The following LRRC38 variants were observed in gnomAD, a reference collection of about 807,000 sequenced individuals.
LRRC38 encodes the protein leucine rich repeat containing 38, also known as leucine-rich repeat-containing protein 38.
A neutral mutation model predicts 16.4 loss-of-function variants in LRRC38; 5 were observed. That is an observed-to-expected ratio of 0.31 (90% CI 0.16 to 0.64). The LOEUF (loss-of-function observed/expected upper bound fraction) is 0.64, where lower values mean the gene tolerates loss of function less well. Ranked by LOEUF, LRRC38 falls within the 30% of genes least tolerant of loss-of-function variation. The pLI, the probability that LRRC38 is intolerant of heterozygous loss-of-function variation, is 0.80. For missense variants in LRRC38, 341 were observed against 401.8 expected (o/e 0.85, Z 1.29); for synonymous variants, 191 against 190.2 (o/e 1.00, Z -0.04).
rs546024101 is a variant in LRRC38, at chr1:13,503,808, G to T, written c.631+9155C>A. On this transcript the variant is annotated intron_variant, in intron 1 of 1. Coordinates refer to ENST00000376085, the MANE Select transcript of LRRC38 (RefSeq NM_001010847.2). ...CACGATCCTTGGCTGTTCGGTTTCT[G>T]TTGGCCTTTGAGAAGCTGCCCCTTC... Among the ~76,000 whole-genome samples the T allele has an allele frequency of 9.5e-4, 145 of 152,332 alleles. No homozygotes were observed. The Middle Eastern group carries it at 0.014, about 14-fold the overall frequency.
intron 1 of LRRC38, among the ~76,000 whole-genome samples, chr1:13,478,147 A>G (rs151096052): frequency 6.6e-6 from 1 of 152,334 alleles, no homozygotes; most frequent in East Asian, 1.9e-4. Flanking sequence ...TGATTTTACA[A>G]ACCTCAGTTA....
intron 1 of LRRC38, among the ~76,000 whole-genome samples, chr1:13,493,031 AT>A (rs1639035686): frequency 6.6e-6 from 1 of 152,214 alleles, no homozygotes; most frequent in Non-Finnish European, 1.5e-5. Context: ...TGCGACAGTC[AT>A]TCCAGGGATA....
In LRRC38 at chr1:13,497,686, A is replaced by G. The variant is rs575980513; in HGVS notation, c.631+15277T>C. 2.6e-5 allele frequency among the ~76,000 whole-genome samples: 4 copies of G among 152,220 alleles called. No individual in the cohort carries two copies. The South Asian group carries it at 8.3e-4, about 32-fold the overall frequency. On this transcript the variant is annotated intron_variant, in intron 1 of 1. Transcript: ENST00000376085. ...TTTCCGTTGATTACACGCTGAAATG[A>G]CATTTTGGGCCAAGCACGGTGGCTC...
chr1:13,494,584 C>A (rs998894206), intron 1 of LRRC38, among the ~76,000 whole-genome samples: 2 of 152,108 alleles, frequency 1.3e-5, no homozygotes, highest in South Asian at 4.1e-4. Context: ...TAAATAAAGG[C>A]ACTGAATTTA....
chr1:13,480,478 AT>A (rs1569908319), intron 1 of LRRC38, among the ~76,000 whole-genome samples: 1 of 152,148 alleles, frequency 6.6e-6, no homozygotes, highest in Non-Finnish European at 1.5e-5. Flanking sequence ...AGACTTTTAA[AT>A]TTTTTTGTAA....
intron 1 of LRRC38, among the ~76,000 whole-genome samples, chr1:13,480,294 G>A (rs768287681): frequency 1.3e-5 from 2 of 152,210 alleles, no homozygotes; most frequent in Non-Finnish European, 2.9e-5. Context: ...GCAGTGAGCC[G>A]AGACCACGCC....
intron 1 of LRRC38, among the ~76,000 whole-genome samples, chr1:13,500,606 T>C (rs1231708633): frequency 6.6e-6 from 1 of 152,236 alleles, no homozygotes; most frequent in Non-Finnish European, 1.5e-5. Context: ...CTAACATATA[T>C]TGACTGATGT....
chr1:13,493,692 G>A (rs186719280), intron 1 of LRRC38, among the ~76,000 whole-genome samples: 34 of 152,248 alleles, frequency 2.2e-4, no homozygotes, highest in Middle Eastern at 3.4e-3. Context: ...TCATGGGGAC[G>A]TGCCTGAGAG....
At position 13,513,772 on chromosome 1, in the gene LRRC38, G is replaced by A. The variant is rs370746799; in HGVS notation, c.-179C>T. Reference sequence around the variant, plus strand: ...TGGAGCGCGGCGCGGACGGACTGGGGAGCCGGGACAGCAGGGATGGAGAGG... The same window carrying A: ...TGGAGCGCGGCGCGGACGGACTGGGAAGCCGGGACAGCAGGGATGGAGAGG... On this transcript the variant is annotated 5_prime_UTR_variant, in exon 1 of 2. Coordinates refer to ENST00000376085, the MANE Select transcript of LRRC38 (RefSeq NM_001010847.2). 4.1e-3 allele frequency: 617 copies of A among 149,532 alleles called. 5 individuals carry two copies. Among genetic ancestry groups the A allele is most frequent in the African/African-American group, 0.015 (592 of 39,934 alleles). 9.3% of individuals were successfully genotyped at this position (149,532 alleles called of 1,614,324 possible).
At chr1:13,503,278 ATTTAT>A (rs1357746533) in intron 1 of LRRC38, among the ~76,000 whole-genome samples, 1 of 147,924 alleles carries the variant, frequency 6.8e-6, no homozygotes, top group African/African-American at 2.7e-5. Context: ...TTATTTATTT[ATTTAT>A]TTTGAGACAG....
At chr1:13,481,737 C>T (rs1638862152) in intron 1 of LRRC38, among the ~76,000 whole-genome samples, 1 of 150,010 alleles carries the variant, frequency 6.7e-6, no homozygotes, top group South Asian at 2.1e-4. Context: ...CTCTCCCAAT[C>T]TGTCTCTGCC....
At chr1:13,493,229 A>G (rs936625219) in intron 1 of LRRC38, among the ~76,000 whole-genome samples, 9 of 152,006 alleles carry the variant, frequency 5.9e-5, no homozygotes, top group Non-Finnish European at 1.3e-4. Context: ...GGTTCCCAGC[A>G]CCAGATATCT....
At chr1:13,501,332 G>C (rs1336947529) in intron 1 of LRRC38, among the ~76,000 whole-genome samples, 2 of 151,990 alleles carry the variant, frequency 1.3e-5, no homozygotes, top group East Asian at 3.9e-4. Flanking sequence ...CAGGGTAAGG[G>C]GTAAAGGGAA....
chr1:13,512,401 A>G (rs1245240826), intron 1 of LRRC38, among the ~76,000 whole-genome samples: 1 of 152,244 alleles, frequency 6.6e-6, no homozygotes, highest in Admixed American at 6.5e-5. Flanking sequence ...AAAGCCACAG[A>G]GAACTACAAA....
rs996565603 is a variant in LRRC38, at chr1:13,503,801, G to A, written c.631+9162C>T. On this transcript the variant is annotated intron_variant, in intron 1 of 1. Coordinates refer to ENST00000376085, the MANE Select transcript of LRRC38 (RefSeq NM_001010847.2). The stretch of plus-strand genomic sequence containing the variant: ...TTGGGACCACGATCCTTGGCTGTTC[G>A]GTTTCTGTTGGCCTTTGAGAAGCTG... Among the ~76,000 whole-genome samples, 7 of 152,158 alleles carry A rather than the reference G, an allele frequency of 4.6e-5. No homozygotes were observed. The East Asian group carries it at 5.8e-4, about 13-fold the overall frequency.
At chr1:13,509,849 CCA>C (rs1255807128) in intron 1 of LRRC38, among the ~76,000 whole-genome samples, 3 of 152,134 alleles carry the variant, frequency 2.0e-5, no homozygotes, top group Non-Finnish European at 2.9e-5. Flanking sequence ...AGTTACTGCA[CCA>C]CAGAGCCAGC....
intron 1 of LRRC38, among the ~76,000 whole-genome samples, chr1:13,505,960 C>CGTCTGGGCTGTGGGAGGGAGCTT (rs1639207575): frequency 6.6e-6 from 1 of 151,740 alleles, no homozygotes; most frequent in East Asian, 1.9e-4. Context: ...GGAGGGAGCT[C>CGTCTGGGCTGTGGGAGGGAGCTT]GGTTGATTCT....
intron 1 of LRRC38, among the ~76,000 whole-genome samples, chr1:13,479,116 TA>T (rs1638821875): frequency 6.6e-6 from 1 of 151,630 alleles, no homozygotes; most frequent in Admixed American, 6.6e-5. Flanking sequence ...TTTTAAAAAA[TA>T]AAAATAAAAA....
intron 1 of LRRC38, among the ~76,000 whole-genome samples, chr1:13,483,902 A>G (rs1638898911): frequency 6.6e-6 from 1 of 151,042 alleles, no homozygotes; most frequent in Non-Finnish European, 1.5e-5. Flanking sequence ...TGTTCCAGAG[A>G]AACAGAACCA....
Sources: gnomAD v4.1 joint callset for allele counts (sites outside exome capture counted in the v4.1 genomes callset) on GRCh38, gnomAD v4.1.1 for gene constraint, MANE v1.5 for transcripts, NCBI Gene and HGNC (gene_info 2026-07-23, HGNC 2026-07-21) for gene names.